MED13L: variants seen among roughly 807,000 people sequenced by gnomAD.
MED13L encodes mediator complex subunit 13L, also known as mediator of RNA polymerase II transcription subunit 13-like.
In MED13L, 7 loss-of-function variants were observed where a neutral mutation model predicts 220.9. The ratio of observed to expected loss-of-function variants is 0.03; its 90% CI spans 0.02 to 0.06. MED13L has a LOEUF of 0.06. Ranked by LOEUF, MED13L falls within the 10% of genes least tolerant of loss-of-function variation. MED13L has a pLI of 1.00. For synonymous variants in MED13L, 1,011 were observed against 1,015.2 expected (o/e 1.00, Z 0.08); for missense variants, 1,965 against 2,760.5 (o/e 0.71, Z 6.46).
At chr12:116,119,783 G>A (rs1036443474) in intron 2 of MED13L, among the ~76,000 whole-genome samples, 35 of 119,088 alleles carry the variant, frequency 2.9e-4, no homozygotes, top group Non-Finnish European at 5.0e-4. Context: ...CTCCAGCCTA[G>A]GCAAGAGAGA....
chr12:116,099,876 A>G (rs1420288265), intron 3 of MED13L, among the ~76,000 whole-genome samples: 1 of 152,218 alleles, frequency 6.6e-6, no homozygotes, highest in Non-Finnish European at 1.5e-5. Flanking sequence ...TCGTCAGGCA[A>G]TGTCATCAAA....
At chr12:116,008,320 C>A (rs1879179471) in intron 10 of MED13L, 81 bp downstream of exon 10, 5 of 1,512,450 alleles carry the variant, frequency 3.3e-6, no homozygotes, top group Non-Finnish European at 4.4e-6. Flanking sequence ...AATTTTGAAT[C>A]TGAAAGTTTA....
intron 3 of MED13L, among the ~76,000 whole-genome samples, chr12:116,110,811 T>C (rs1247228772): frequency 6.6e-6 from 1 of 152,082 alleles, no homozygotes; most frequent in African/African-American, 2.4e-5. Flanking sequence ...AAGCATAACC[T>C]GAATTTAAGC....
At chr12:116,252,506 A>G (rs1374580597) in intron 1 of MED13L, among the ~76,000 whole-genome samples, 1 of 152,080 alleles carries the variant, frequency 6.6e-6, no homozygotes, top group Admixed American at 6.5e-5. Context: ...TCCACTGCAC[A>G]TCAGCCTGGG....
rs1329901180 is a variant in MED13L, at chr12:116,277,558, G to C, written c.-427C>G. Among the ~76,000 whole-genome samples, 2 of 149,428 alleles carry C rather than the reference G, an allele frequency of 1.3e-5. No homozygotes were observed. The highest frequency in any genetic ancestry group is 4.9e-5 in the African/African-American group (2 of 41,154). On this transcript the variant is annotated 5_prime_UTR_variant, in exon 1 of 31. Coordinates refer to ENST00000281928, the MANE Select transcript of MED13L (RefSeq NM_015335.5). ...GCGGAGCGCGAACTCGCGAAGGGGGGGGTGCGGACGAAGCCAGCGGGCGAC... is the reference window on the plus strand; with the variant it reads ...GCGGAGCGCGAACTCGCGAAGGGGGCGGTGCGGACGAAGCCAGCGGGCGAC...
intron 2 of MED13L, among the ~76,000 whole-genome samples, chr12:116,187,271 G>A (rs562007584): frequency 3.9e-5 from 6 of 152,128 alleles, no homozygotes; most frequent in Non-Finnish European, 7.3e-5. Flanking sequence ...GTGTTCTTTG[G>A]TTTGAGAGAC....
At chr12:116,087,988 A>ACTCC (rs1303333238) in intron 4 of MED13L, among the ~76,000 whole-genome samples, 1 of 152,024 alleles carries the variant, frequency 6.6e-6, no homozygotes, top group African/African-American at 2.4e-5. Context: ...CCAACATGAC[A>ACTCC]CTCCCTTTAA....
intron 1 of MED13L, among the ~76,000 whole-genome samples, chr12:116,261,967 G>A (rs1872547766): frequency 6.6e-6 from 1 of 152,062 alleles, no homozygotes; most frequent in South Asian, 2.1e-4. Context: ...GGGCCCACAT[G>A]GGTTTTCTCT....
At chr12:116,069,521 G>C (rs1870209562) in intron 4 of MED13L, among the ~76,000 whole-genome samples, 1 of 152,182 alleles carries the variant, frequency 6.6e-6, no homozygotes, top group African/African-American at 2.4e-5. Flanking sequence ...TTGAAACTGA[G>C]TATTCTTTGG....
chr12:115,985,269 A>T (rs1211207147), intron 19 of MED13L, among the ~76,000 whole-genome samples: 1 of 152,186 alleles, frequency 6.6e-6, no homozygotes, highest in African/African-American at 2.4e-5. Context: ...GTTAATTATG[A>T]TTTAATAGTA....
intron 6 of MED13L, 119 bp downstream of exon 6, chr12:116,019,659 G>T: frequency 7.8e-7 from 1 of 1,279,106 alleles, no homozygotes; most frequent in South Asian, 1.2e-5. Flanking sequence ...ATTGTGTCAA[G>T]AGAATTTCTT....
At chr12:116,037,548 A>G (rs548997504) in intron 4 of MED13L, among the ~76,000 whole-genome samples, 1 of 152,306 alleles carries the variant, frequency 6.6e-6, no homozygotes, top group East Asian at 1.9e-4. Flanking sequence ...AATCTGTATA[A>G]GAGCAAAGTT....
chr12:116,140,151 C>G (rs543199009), intron 2 of MED13L, among the ~76,000 whole-genome samples: 252 of 152,206 alleles, frequency 1.7e-3, no homozygotes, highest in African/African-American at 5.1e-3. Context: ...ATACTCCCCC[C>G]CTTTCCCAGC....
At chr12:116,060,149 G>A in intron 4 of MED13L, among the ~76,000 whole-genome samples, 1 of 152,070 alleles carries the variant, frequency 6.6e-6, no homozygotes, top group Middle Eastern at 3.4e-3. Context: ...ACACTGCCCA[G>A]GACACTCTCA....
At chr12:115,969,578 TC>T (rs1235752725) in intron 27 of MED13L, among the ~76,000 whole-genome samples, 1 of 144,930 alleles carries the variant, frequency 6.9e-6, no homozygotes, top group East Asian at 2.1e-4. Flanking sequence ...ATGTTTTCTC[TC>T]TTTTTTTTTT....
At chr12:116,247,800 A>AT (rs1370361737) in intron 1 of MED13L, among the ~76,000 whole-genome samples, 2 of 152,210 alleles carry the variant, frequency 1.3e-5, no homozygotes, top group African/African-American at 4.8e-5. Flanking sequence ...AAGTATAAAG[A>AT]TTTTTTAAAA....
chr12:116,091,839 T>G (rs1872242740), intron 4 of MED13L, among the ~76,000 whole-genome samples: 1 of 152,230 alleles, frequency 6.6e-6, no homozygotes, highest in Non-Finnish European at 1.5e-5. Flanking sequence ...ATTCCATGGT[T>G]CTGGTAACAC....
At position 116,007,645 on chromosome 12, in the gene MED13L, C is replaced by CCA. The variant is rs1555247737; in HGVS notation, c.2013-10_2013-9insTG. The CCA allele has an allele frequency of 3.1e-4, 232 of 759,918 alleles. No homozygotes were observed. The African/African-American group carries it at 5.7e-3, about 19-fold the overall frequency. The allele number at this position is 759,918 out of a possible 1,614,324, so 47.1% of individuals were successfully genotyped here. On this transcript the variant is annotated splice_polypyrimidine_tract_variant and intron_variant, in intron 10 of 30. Transcript: ENST00000281928. ...TAGGTTGTGCTAAGAGTCTAAAAGA[C>CCA]AAAAAAAAAAAAAAAAAAAAGAGCA...
chr12:116,114,577 G>C (rs934720402), intron 2 of MED13L, among the ~76,000 whole-genome samples: 1 of 151,998 alleles, frequency 6.6e-6, no homozygotes, highest in African/African-American at 2.4e-5. Context: ...AAGACTGAAC[G>C]AACGGTAAGG....
Sources: allele counts gnomAD v4.1 joint callset (sites outside exome capture counted in the v4.1 genomes callset), GRCh38; gene constraint gnomAD v4.1.1; transcripts MANE v1.5; gene names NCBI Gene and HGNC (gene_info 2026-07-23, HGNC 2026-07-21).